SMG7: variants seen among roughly 807,000 people sequenced by gnomAD.
SMG7 encodes SMG7 nonsense mediated mRNA decay factor.
Under a neutral mutation model 148.2 loss-of-function variants are expected in SMG7, and 34 were observed. That is an observed-to-expected ratio of 0.23 (90% confidence interval 0.17 to 0.31). The LOEUF is 0.31. SMG7 is among the 10% of genes least tolerant of loss of function. The probability of loss-of-function intolerance (pLI) is 1.00; values close to 1 mark genes in which losing one functional copy is unlikely to be tolerated. For synonymous variants in SMG7, 492 were observed against 515.1 expected (o/e 0.96, Z 0.61); for missense variants, 1,114 against 1,408.4 (o/e 0.79, Z 3.35).
chr1:183,552,743 T>C lies in SMG7; in HGVS notation c.*812T>C. The C allele has an allele frequency of 7.3e-7, 1 of 1,364,918 alleles. No homozygotes were observed. Among genetic ancestry groups the C allele is most frequent in the Non-Finnish European group, 9.4e-7 (1 of 1,059,332 alleles). The allele number at this position is 1,364,918 out of a possible 1,614,324, so 84.6% of individuals were successfully genotyped here. A position where few individuals can be genotyped will look rare whatever the true frequency, so the allele number is the denominator to read the frequency against. On this transcript the variant is annotated 3_prime_UTR_variant, in exon 23 of 23. Coordinates refer to ENST00000688051, the MANE Select transcript of SMG7 (RefSeq NM_001375584.1). ...TTTCAAATTACGTTTTTGATTCCTGTACATTTTACAGTCGCACAGCAAGCA... is the reference window on the plus strand; with the variant it reads ...TTTCAAATTACGTTTTTGATTCCTGCACATTTTACAGTCGCACAGCAAGCA...
In SMG7 at chr1:183,517,832, A is replaced by G. The variant is rs948066809; in HGVS notation, c.312+12A>G. 16 of 1,613,668 alleles carry G rather than the reference A, an allele frequency of 9.9e-6. No homozygotes were observed. The highest frequency in any genetic ancestry group is 3.3e-5 in the South Asian group (3 of 91,072). On this transcript the variant is annotated intron_variant, in intron 4 of 22. Transcript: ENST00000688051. ...GCTTCTATACTCAGGTGAGTTCTGCATTGTATACCAGTTTTCTTACTATTA... is the reference window on the plus strand; with the variant it reads ...GCTTCTATACTCAGGTGAGTTCTGCGTTGTATACCAGTTTTCTTACTATTA...
At chr1:183,544,829 G>T (rs1039105340) in intron 15 of SMG7, 101 bp from the exon 16 acceptor site, 1 of 1,181,238 alleles carries the variant, frequency 8.5e-7, no homozygotes, top group Non-Finnish European at 1.2e-6. Flanking sequence ...TTTGTGATGT[G>T]TTAGAAGACT....
At chr1:183,523,043 A>C (rs1175859673) in intron 4 of SMG7, among the ~76,000 whole-genome samples, 1 of 152,216 alleles carries the variant, frequency 6.6e-6, no homozygotes, top group African/African-American at 2.4e-5. Context: ...GGCTTAAAGC[A>C]GAACCAAATT....
At chr1:183,514,217 A>AC (rs1491503294) in intron 2 of SMG7, among the ~76,000 whole-genome samples, 1 of 57,102 alleles carries the variant, frequency 1.8e-5, no homozygotes, top group African/African-American at 1.5e-4. Context: ...TGAAATTCAC[A>AC]AAAAAAAAAA....
rs1419882888 is a variant in SMG7, at chr1:183,529,443, G to A, written c.753G>A (p.Lys251=). The change falls in exon 8 of 23, where the codon AAG becomes AAA. Residue 251 remains lysine, a synonymous_variant. Coordinates refer to ENST00000688051, the MANE Select transcript of SMG7 (RefSeq NM_001375584.1). ...KTKWGVSDFI[K]AFIKFHGHVY... is the part of the protein sequence containing the mutation. Reference sequence around the variant, plus strand: ...AGTGGGGTGTTTCTGACTTCATCAAGGCCTTTATTAAATTCCACGGTCATG... The same window carrying A: ...AGTGGGGTGTTTCTGACTTCATCAAAGCCTTTATTAAATTCCACGGTCATG... The A allele has an allele frequency of 6.2e-7, 1 of 1,613,376 alleles. No individual in the cohort carries two copies.
chr1:183,526,154 A>ATTT (rs1213739007), intron 4 of SMG7, among the ~76,000 whole-genome samples: 768 of 73,372 alleles, frequency 0.01, 8 homozygotes, highest in African/African-American at 0.032. Flanking sequence ...ATATATATAT[A>ATTT]TATTTTTTTT....
At chr1:183,485,325 A>G (rs1026884066) in intron 1 of SMG7, among the ~76,000 whole-genome samples, 5 of 152,284 alleles carry the variant, frequency 3.3e-5, no homozygotes, top group African/African-American at 9.6e-5. Context: ...ATATAATCTG[A>G]ACACTCTTCT....
Position 183,502,410 on chromosome 1 carries a change from G to T in SMG7, c.30-10427G>T, listed in dbSNP as rs969251832. The T allele has an allele frequency of 3.9e-6, 6 of 1,522,090 alleles. No homozygotes were observed. The African/African-American group carries it at 6.9e-5, about 17-fold the overall frequency. 94.3% of individuals were successfully genotyped at this position (1,522,090 alleles called of 1,614,324 possible). A position where few individuals can be genotyped will look rare whatever the true frequency, so the allele number is the denominator to read the frequency against. ...ATATTAGGTAGGATGAAAATTACAAGGGATTTCTACATGTTTTTATTCCTT... is the reference window on the plus strand; with the variant it reads ...ATATTAGGTAGGATGAAAATTACAATGGATTTCTACATGTTTTTATTCCTT... On this transcript the variant is annotated intron_variant, in intron 1 of 22. Transcript: ENST00000688051.
intron 1 of SMG7, among the ~76,000 whole-genome samples, chr1:183,504,688 T>C (rs1660506980): frequency 1.3e-5 from 2 of 152,174 alleles, no homozygotes; most frequent in Admixed American, 1.3e-4. Flanking sequence ...ACATGGCTCT[T>C]AACACTTTCT....
intron 18 of SMG7, among the ~76,000 whole-genome samples, chr1:183,547,925 T>C (rs985827190): frequency 6.6e-6 from 1 of 152,214 alleles, no homozygotes; most frequent in African/African-American, 2.4e-5. Flanking sequence ...GTGTTCATAT[T>C]ATATTTTACT....
Position 183,529,479 on chromosome 1 carries a change from T to G in SMG7, c.789T>G (p.Ser263Arg). The change falls in exon 8 of 23, where the codon AGT becomes AGG. Residue 263 changes from serine to arginine, a missense_variant. Coordinates refer to ENST00000688051, the MANE Select transcript of SMG7 (RefSeq NM_001375584.1). ...AATTCCACGGTCATGTGTACCTGAGTAAGAGCTTGGAAAAGTTGAGCCCTC... is the reference window on the plus strand; with the variant it reads ...AATTCCACGGTCATGTGTACCTGAGGAAGAGCTTGGAAAAGTTGAGCCCTC... ...FIKFHGHVYL[S>R]KSLEKLSPLR... is the part of the protein sequence containing the mutation. 6.2e-7 allele frequency: 1 copy of G among 1,613,204 alleles called. No homozygotes were observed. The highest frequency in any genetic ancestry group is 8.5e-7 in the Non-Finnish European group (1 of 1,179,302).
At chr1:183,497,892 G>A (rs1435457645) in intron 1 of SMG7, among the ~76,000 whole-genome samples, 6 of 152,064 alleles carry the variant, frequency 3.9e-5, no homozygotes, top group African/African-American at 1.4e-4. Context: ...TTATTATACA[G>A]CACCCATTTC....
chr1:183,495,229 T>C (rs75561159), intron 1 of SMG7, among the ~76,000 whole-genome samples: 2,146 of 152,252 alleles, frequency 0.014, 52 homozygotes, highest in African/African-American at 0.048. Context: ...GGTTTTCTTT[T>C]GTGTTTAAAT....
At chr1:183,504,619 G>T (rs1018273304) in intron 1 of SMG7, among the ~76,000 whole-genome samples, 2 of 152,154 alleles carry the variant, frequency 1.3e-5, no homozygotes, top group Non-Finnish European at 2.9e-5. Context: ...GATTACAGGC[G>T]TGAGCCACAG....
intron 12 of SMG7, among the ~76,000 whole-genome samples, chr1:183,539,179 C>T (rs547140010): frequency 4.6e-5 from 7 of 152,054 alleles, no homozygotes; most frequent in Non-Finnish European, 7.4e-5. Flanking sequence ...GTGGGCCAAC[C>T]TGACTGACTC....
intron 18 of SMG7, 59 bp downstream of exon 18, chr1:183,547,311 C>T: frequency 1.4e-6 from 2 of 1,393,986 alleles, no homozygotes; most frequent in African/African-American, 1.4e-5. Flanking sequence ...CTCTGAGATA[C>T]TGTAGTACAC....
Position 183,539,054 on chromosome 1 carries a change from G to C in SMG7, c.1295+614G>C, listed in dbSNP as rs570499530. Among the ~76,000 whole-genome samples the C allele has an allele frequency of 5.3e-5, 8 of 152,186 alleles. 1 individual carries two copies. In the South Asian group the frequency reaches 1.7e-3, roughly 32 times the overall value. ...AGTCCCAGCTACCCAGGAAGCTGAG[G>C]CAGGAGAATCGCTTGAACCCAGGAG... On this transcript the variant is annotated intron_variant, in intron 12 of 22. Transcript: ENST00000688051.
intron 1 of SMG7, among the ~76,000 whole-genome samples, chr1:183,486,307 A>G (rs1655405781): frequency 6.6e-6 from 1 of 152,258 alleles, no homozygotes; most frequent in Non-Finnish European, 1.5e-5. Flanking sequence ...GTCTTCAAGG[A>G]ATGGTAGAGT....
intron 5 of SMG7, 90 bp downstream of exon 5, chr1:183,526,857 A>G: frequency 1.0e-6 from 1 of 973,040 alleles, no homozygotes; most frequent in Non-Finnish European, 1.5e-6. Context: ...TAAGCGGAGC[A>G]TACACACACA....
Sources: allele counts gnomAD v4.1 joint callset (sites outside exome capture counted in the v4.1 genomes callset), GRCh38; gene constraint gnomAD v4.1.1; transcripts MANE v1.5; gene names NCBI Gene and HGNC (gene_info 2026-07-23, HGNC 2026-07-21).